Variants in DLEU7 observed in about 807,000 individuals in gnomAD.
The protein encoded by DLEU7 is deleted in lymphocytic leukemia 7.
Under a neutral mutation model 16.0 loss-of-function variants are expected in DLEU7, and 17 were observed. That is an observed-to-expected ratio of 1.06 (90% CI 0.73 to 1.59). The LOEUF (loss-of-function observed/expected upper bound fraction) is 1.59. Among genes scored for constraint, DLEU7 ranks in the 40% most tolerant of loss-of-function variants. The pLI, the probability that DLEU7 is intolerant of heterozygous loss-of-function variation, is 0.00. For missense variants in DLEU7, 308 were observed against 314.9 expected (o/e 0.98, Z 0.17); for synonymous variants, 113 against 139.8 (o/e 0.81, Z 1.35).
chr13:50,768,324 C>G (rs866843769), intron 1 of DLEU7, among the ~76,000 whole-genome samples: 50 of 151,720 alleles, frequency 3.3e-4, no homozygotes, highest in South Asian at 2.3e-3. Context: ...CTAGGGTACA[C>G]GTGCACAATG....
chr13:50,843,889 T>C (rs74985827), upstream of DLEU7: 6,007 of 506,864 alleles, frequency 0.012, 73 homozygotes, highest in East Asian at 0.035. The surrounding 1 kb of genome is among the most constrained non-coding windows in gnomAD (Gnocchi z 5.7). Flanking sequence ...CTGCTCGGTG[T>C]GCACTTGAAA....
chr13:50,774,373 G>A (rs78579636), intron 1 of DLEU7, among the ~76,000 whole-genome samples: 1,535 of 152,206 alleles, frequency 0.01, 27 homozygotes, highest in African/African-American at 0.035. Flanking sequence ...GCTACAGACC[G>A]GAGCTGTTCT....
intron 1 of DLEU7, among the ~76,000 whole-genome samples, chr13:50,753,749 C>A: frequency 6.6e-6 from 1 of 152,224 alleles, no homozygotes; most frequent in East Asian, 1.9e-4. Context: ...CAGAAAGGGG[C>A]TCCCACAGTG....
chr13:50,797,444 C>T (rs1198533032), intron 1 of DLEU7, among the ~76,000 whole-genome samples: 1 of 152,178 alleles, frequency 6.6e-6, no homozygotes, highest in East Asian at 1.9e-4. Context: ...AATCACCAAG[C>T]AGCACGTACA....
rs114853965 is a variant in DLEU7, at chr13:50,789,180, C to T, written c.459+54008G>A. ...GTGTGTGCGGAGTGTGGACAGCATA[C>T]GTGCAGGTTAGCATGTTAATTCTCC... On this transcript the variant is annotated intron_variant, in intron 1 of 1. Coordinates refer to the DLEU7 transcript ENST00000400393. Among the ~76,000 whole-genome samples, 818 of 151,400 alleles carry T rather than the reference C, an allele frequency of 5.4e-3. 4 individuals carry two copies. Among genetic ancestry groups the T allele is most frequent in the African/African-American group, 0.015 (635 of 41,198 alleles).
chr13:50,766,477 TCCTA>T (rs1369090045), intron 1 of DLEU7, among the ~76,000 whole-genome samples: 1 of 151,832 alleles, frequency 6.6e-6, no homozygotes, highest in African/African-American at 2.4e-5. Context: ...TTCCTTCTCT[TCCTA>T]CTCCTCCTCT....
At chr13:50,748,749 G>GGAAGGA (rs992379092) in intron 1 of DLEU7, among the ~76,000 whole-genome samples, 2 of 151,990 alleles carry the variant, frequency 1.3e-5, no homozygotes, top group Non-Finnish European at 1.5e-5. Flanking sequence ...GAGAAGAAGT[G>GGAAGGA]GAAGGAGAAG....
chr13:50,814,761 A>AGAGTGTGTGT (rs1555293748), intron 1 of DLEU7, among the ~76,000 whole-genome samples: 4 of 138,556 alleles, frequency 2.9e-5, no homozygotes, highest in Admixed American at 2.1e-4. Flanking sequence ...TATTCATGTG[A>AGAGTGTGTGT]GTGTGTGTGT....
At chr13:50,756,213 T>G (rs1874753971) in intron 1 of DLEU7, among the ~76,000 whole-genome samples, 1 of 152,202 alleles carries the variant, frequency 6.6e-6, no homozygotes, top group South Asian at 2.1e-4. Context: ...GAGGTGGCAC[T>G]TTCCAGAGAG....
intron 1 of DLEU7, among the ~76,000 whole-genome samples, chr13:50,830,693 G>T (rs1230499583): frequency 6.6e-6 from 1 of 152,120 alleles, no homozygotes; most frequent in Non-Finnish European, 1.5e-5. Flanking sequence ...TTACAATATG[G>T]CTTATTAATT....
At chr13:50,752,629 C>G (rs1395312783) in intron 1 of DLEU7, among the ~76,000 whole-genome samples, 1 of 147,888 alleles carries the variant, frequency 6.8e-6, no homozygotes, top group African/African-American at 2.5e-5. Flanking sequence ...GTGAAGCTGC[C>G]GACCTTCACG....
Position 50,843,125 on chromosome 13 carries a change from C to T in DLEU7, c.459+63G>A, listed in dbSNP as rs1207624604. 3 of 1,471,436 alleles carry T rather than the reference C, an allele frequency of 2.0e-6. No homozygotes were observed. The Admixed American group carries it at 7.1e-5, about 35-fold the overall frequency. The allele number at this position is 1,471,436 out of a possible 1,614,324, so 91.1% of individuals were successfully genotyped here. On this transcript the variant is annotated intron_variant, in intron 1 of 1. Coordinates refer to ENST00000504404, the MANE Select transcript of DLEU7 (RefSeq NM_001306135.2). The surrounding 1 kb of genome is among the most constrained non-coding windows in gnomAD (Gnocchi z 5.7). Reference sequence around the variant, plus strand: ...ATCCACCCATCGCCATCCCAGCAGCCCCACCCTTGGAGGATGGGAGGTTAC... The same window carrying T: ...ATCCACCCATCGCCATCCCAGCAGCTCCACCCTTGGAGGATGGGAGGTTAC...
chr13:50,743,666 A>G (rs577478386), intron 1 of DLEU7, among the ~76,000 whole-genome samples: 1 of 152,342 alleles, frequency 6.6e-6, no homozygotes, highest in South Asian at 2.1e-4. Context: ...GAGAGCAACT[A>G]AGAATTAAAA....
At chr13:50,820,902 C>T (rs1236447679), downstream of DLEU7, among the ~76,000 whole-genome samples, 1 of 151,996 alleles carries the variant, frequency 6.6e-6, no homozygotes, top group African/African-American at 2.4e-5. Context: ...TAAACAGTAT[C>T]AAGATATTTT....
chr13:50,777,526 G>A (rs1024345183), intron 1 of DLEU7, among the ~76,000 whole-genome samples: 1 of 152,126 alleles, frequency 6.6e-6, no homozygotes, highest in Non-Finnish European at 1.5e-5. Flanking sequence ...ACAGCCTGTT[G>A]TGGAACCTTG....
rs1877737662 is a variant in DLEU7, at chr13:50,843,308, G to C, written c.339C>G (p.Ala113=). ...CCAGCGCGCTGCGCATCGCCATCTG[G>C]GCCAGGGTGCAGGGCCCGCGGTCCC... ...FPRDRGPCTL[A]QMAMRSALAR... Residue 113 remains alanine, a synonymous_variant, in exon 1 of 2, where the codon GCC becomes GCG. Transcript: ENST00000504404. The surrounding 1 kb of genome is among the most constrained non-coding windows in gnomAD (Gnocchi z 5.7). 6.5e-7 allele frequency: 1 copy of C among 1,542,486 alleles called. No homozygotes were observed. The highest frequency in any genetic ancestry group is 1.4e-5 in the African/African-American group (1 of 70,564).
chr13:50,829,231 G>A (rs1877186275), intron 1 of DLEU7, among the ~76,000 whole-genome samples: 1 of 152,176 alleles, frequency 6.6e-6, no homozygotes, highest in Non-Finnish European at 1.5e-5. Context: ...TGGCCTGTGT[G>A]CTGAAGCATA....
downstream of DLEU7, among the ~76,000 whole-genome samples, chr13:50,820,244 T>C (rs77434628): frequency 0.013 from 1,924 of 152,120 alleles, 41 homozygotes; most frequent in African/African-American, 0.044. Flanking sequence ...ACAAAAAGAA[T>C]TGTAAGTAAC....
chr13:50,792,467 C>T (rs1331101646), intron 1 of DLEU7, among the ~76,000 whole-genome samples: 4 of 152,168 alleles, frequency 2.6e-5, no homozygotes, highest in African/African-American at 9.7e-5. Context: ...TCCAGCACCC[C>T]AGCACGACTC....
Sources: gnomAD v4.1 joint callset for allele counts (sites outside exome capture counted in the v4.1 genomes callset) on GRCh38, gnomAD v4.1.1 for gene constraint, Gnocchi (gnomAD v3.1) non-coding constraint, MANE v1.5 for transcripts, NCBI Gene and HGNC (gene_info 2026-07-23, HGNC 2026-07-21) for gene names.